The following GOLIM4 variants were observed in gnomAD, a reference collection of about 807,000 sequenced individuals.
The protein encoded by GOLIM4 is 130 kDa golgi-localized phosphoprotein.
In GOLIM4, 71 loss-of-function variants were observed where a neutral mutation model predicts 107.4. The observed-to-expected ratio is 0.66, with a 90% CI of 0.55 to 0.81. The LOEUF is 0.81. GOLIM4 is among the 30% of genes least tolerant of loss of function. The probability of loss-of-function intolerance (pLI) is 0.00; values close to 1 mark genes in which losing one functional copy is unlikely to be tolerated. For missense variants in GOLIM4, 830 were observed against 826.1 expected, an observed-to-expected ratio of 1.00 and a Z score of -0.06; for synonymous variants, 327 against 294.8, an observed-to-expected ratio of 1.11 and a Z score of -1.12.
intron 1 of GOLIM4, among the ~76,000 whole-genome samples, chr3:168,063,662 C>A (rs548351159): frequency 4.9e-4 from 72 of 148,038 alleles, no homozygotes; most frequent in Non-Finnish European, 8.4e-4. Context: ...CTGGGTGAGA[C>A]CCTCAAAGGT....
In GOLIM4 at chr3:168,061,069, C is replaced by T. The variant is rs142488265; in HGVS notation, c.188-12704G>A. 5.4e-4 allele frequency among the ~76,000 whole-genome samples: 82 copies of T among 151,326 alleles called. 1 individual carries two copies. Among genetic ancestry groups the T allele is most frequent in the African/African-American group, 1.6e-3 (65 of 41,244 alleles). On this transcript the variant is annotated intron_variant, in intron 1 of 15. Coordinates refer to ENST00000470487, the MANE Select transcript of GOLIM4 (RefSeq NM_014498.5). ...ACATATTGTTTGAATATAACATGAC[C>T]TTCAGTTTTGCCAATAAAGCAAGCA...
At chr3:168,044,142 C>G (rs1241446825) in intron 4 of GOLIM4, among the ~76,000 whole-genome samples, 1 of 152,176 alleles carries the variant, frequency 6.6e-6, no homozygotes, top group African/African-American at 2.4e-5. Flanking sequence ...ATTTACTGCT[C>G]TCTTGATAAT....
rs1484028927 is a variant in GOLIM4, at chr3:168,009,395, A to G, written c.*874T>C. ...ATATATATTACTTATAGGGAACCAG[A>G]CACTGAAACAAGAATATCAATCAAT... On this transcript the variant is annotated 3_prime_UTR_variant, in exon 16 of 16. Coordinates refer to ENST00000470487, the MANE Select transcript of GOLIM4 (RefSeq NM_014498.5). 6.7e-6 allele frequency: 1 copy of G among 148,806 alleles called. No homozygotes were observed. The highest frequency in any genetic ancestry group is 2.5e-5 in the African/African-American group (1 of 40,198). The allele number at this position is 148,806 out of a possible 1,614,324, so 9.2% of individuals were successfully genotyped here. A position where few individuals can be genotyped will look rare whatever the true frequency, so the allele number is the denominator to read the frequency against.
At chr3:168,079,212 T>A (rs974240544) in intron 1 of GOLIM4, among the ~76,000 whole-genome samples, 3 of 152,224 alleles carry the variant, frequency 2.0e-5, no homozygotes, top group African/African-American at 7.2e-5. Context: ...TGGGTAAGTT[T>A]TGATAGGCTT....
At chr3:168,033,517 G>A (rs535603981) in intron 8 of GOLIM4, among the ~76,000 whole-genome samples, 443 of 142,610 alleles carry the variant, frequency 3.1e-3, no homozygotes, top group African/African-American at 0.011. Context: ...TGAGGCAGGA[G>A]AATGGCGTGA....
intron 1 of GOLIM4, among the ~76,000 whole-genome samples, chr3:168,070,954 C>T (rs1482916339): frequency 2.0e-5 from 3 of 152,056 alleles, no homozygotes; most frequent in Non-Finnish European, 4.4e-5. Context: ...AAGATTAGTC[C>T]TTTTTAATTC....
Position 168,029,898 on chromosome 3 carries a change from G to A in GOLIM4, c.1315C>T (p.Leu439=). ...EHQEALHQQR[L]QGHLLRQQEQ... is the part of the protein sequence containing the mutation. Reference sequence around the variant, plus strand: ...TGCTGCCGTAGTAAGTGCCCCTGCAGCCTCTGCTGGTGCAAAGCTTCCTGG... The same window carrying A: ...TGCTGCCGTAGTAAGTGCCCCTGCAACCTCTGCTGGTGCAAAGCTTCCTGG... Residue 439 remains leucine, a synonymous_variant, in exon 10 of 16, where the codon CTG becomes TTG. Coordinates refer to ENST00000470487, the MANE Select transcript of GOLIM4 (RefSeq NM_014498.5). 1 of 1,614,166 alleles carries A rather than the reference G, an allele frequency of 6.2e-7. No individual in the cohort carries two copies. Among genetic ancestry groups the A allele is most frequent in the South Asian group, 1.1e-5 (1 of 91,090 alleles).
At chr3:168,036,717 A>C (rs1405193330) in intron 8 of GOLIM4, 119 bp downstream of exon 8, 2 of 713,196 alleles carry the variant, frequency 2.8e-6, no homozygotes, top group East Asian at 5.1e-5. Context: ...ATTCTGATAT[A>C]CTAAAATTTG....
chr3:168,095,220 G>T lies in GOLIM4; in HGVS notation c.66C>A (p.Val22=). ...TCGCGCCGTAGAGAAAGCCGAACAC[G>T]ACGGTCAGCAGCAGCAGCGTCTGGA... ...RIFQTLLLLT[V]VFGFLYGAML... is the part of the protein sequence containing the mutation. Residue 22 remains valine (V), a synonymous_variant, in exon 1 of 16, where the codon GTC becomes GTA. Transcript: ENST00000470487. 1.9e-6 allele frequency: 3 copies of T among 1,613,664 alleles called. No homozygotes were observed. The highest frequency in any genetic ancestry group is 1.7e-4 in the Middle Eastern group (1 of 6,050).
chr3:168,081,038 A>G lies in GOLIM4; in HGVS notation c.187+14061T>C, dbSNP rs551746963. ...AACCACCCCACTGTGAAGTCAAGAC[A>G]AGCTAAAGATGCTACCAGGTAGCAG... On this transcript the variant is annotated intron_variant, in intron 1 of 15. Coordinates refer to ENST00000470487, the MANE Select transcript of GOLIM4 (RefSeq NM_014498.5). Among the ~76,000 whole-genome samples, 3 of 152,312 alleles carry G rather than the reference A, an allele frequency of 2.0e-5. No homozygotes were observed. The South Asian group carries it at 6.2e-4, about 32-fold the overall frequency.
rs1719436449 is a variant in GOLIM4 at position 168,048,454 on chromosome 3, T to C, written c.188-89A>G. The C allele has an allele frequency of 2.9e-5, 19 of 665,970 alleles. No homozygotes were observed. The South Asian group carries it at 3.1e-4, about 11-fold the overall frequency. The allele number at this position is 665,970 out of a possible 1,614,324, so 41.3% of individuals were successfully genotyped here. A position where few individuals can be genotyped will look rare whatever the true frequency, so the allele number is the denominator to read the frequency against. ...AATTTTTAAAACAGGAAGAAAACAG[T>C]GTAGAGTCTTTACACAATTTAAATA... On this transcript the variant is annotated intron_variant, in intron 1 of 15. Coordinates refer to ENST00000470487, the MANE Select transcript of GOLIM4 (RefSeq NM_014498.5).
chr3:168,048,630 T>C (rs752358045), intron 1 of GOLIM4, among the ~76,000 whole-genome samples: 1 of 152,212 alleles, frequency 6.6e-6, no homozygotes, highest in Non-Finnish European at 1.5e-5. Context: ...CATTTCCTTC[T>C]AGGCCTCTTA....
At chr3:168,056,576 A>G (rs1719985608) in intron 1 of GOLIM4, among the ~76,000 whole-genome samples, 1 of 152,192 alleles carries the variant, frequency 6.6e-6, no homozygotes, top group African/African-American at 2.4e-5. Context: ...TGCAAAGCCA[A>G]AGGGGCGGAG....
intron 1 of GOLIM4, among the ~76,000 whole-genome samples, chr3:168,064,573 A>G (rs16851770): frequency 0.1 from 15,738 of 151,258 alleles, 2,704 homozygotes; most frequent in African/African-American, 0.36. Flanking sequence ...CAGAGAATAC[A>G]TCTGTACTGT....
chr3:168,087,691 G>C (rs1179098749), intron 1 of GOLIM4, among the ~76,000 whole-genome samples: 1 of 152,090 alleles, frequency 6.6e-6, no homozygotes, highest in Non-Finnish European at 1.5e-5. Context: ...ATAATTTTGA[G>C]GGCAATGATG....
At chr3:168,056,598 C>T (rs939237083) in intron 1 of GOLIM4, among the ~76,000 whole-genome samples, 1 of 152,188 alleles carries the variant, frequency 6.6e-6, no homozygotes, top group Non-Finnish European at 1.5e-5. Context: ...TGCCCAAGAC[C>T]ATGTGAACCC....
At chr3:168,051,903 C>G (rs1290817218) in intron 1 of GOLIM4, among the ~76,000 whole-genome samples, 1 of 151,968 alleles carries the variant, frequency 6.6e-6, no homozygotes, top group African/African-American at 2.4e-5. Context: ...CTGAAAAAGG[C>G]TCAAACTATA....
At chr3:168,085,205 A>G (rs1360626758) in intron 1 of GOLIM4, among the ~76,000 whole-genome samples, 4 of 152,246 alleles carry the variant, frequency 2.6e-5, no homozygotes, top group Non-Finnish European at 5.9e-5. Context: ...GATCAATTCC[A>G]GGACACTATC....
At chr3:168,038,999 C>G (rs1267120444) in intron 7 of GOLIM4, among the ~76,000 whole-genome samples, 1 of 152,048 alleles carries the variant, frequency 6.6e-6, no homozygotes, top group African/African-American at 2.4e-5. Flanking sequence ...AGAAGAGGGC[C>G]CTTACCAGAA....
Sources: allele counts gnomAD v4.1 joint callset (sites outside exome capture counted in the v4.1 genomes callset), GRCh38; gene constraint gnomAD v4.1.1; transcripts MANE v1.5; gene names NCBI Gene and HGNC (gene_info 2026-07-23, HGNC 2026-07-21).